The following NRG1 variants were observed in gnomAD, a reference collection of about 807,000 sequenced individuals.
The protein encoded by NRG1 is neuregulin 1, also known as pro-neuregulin-1, membrane-bound isoform.
A neutral mutation model predicts 63.8 loss-of-function variants in NRG1; 18 were observed. The ratio of observed to expected loss-of-function variants is 0.28; its 90% CI spans 0.19 to 0.42. The LOEUF is 0.42. Among genes scored for constraint, NRG1 ranks in the 10% least tolerant of loss-of-function variants. NRG1 has a pLI of 1.00. For missense variants in NRG1, 762 were observed against 814.7 expected, an observed-to-expected ratio of 0.94 and a Z score of 0.79; for synonymous variants, 302 against 301.3, an observed-to-expected ratio of 1.00 and a Z score of -0.02.
chr8:32,445,734 G>A (rs1820153044), intron 1 of NRG1, among the ~76,000 whole-genome samples: 1 of 152,016 alleles, frequency 6.6e-6, no homozygotes, highest in Admixed American at 6.6e-5. Context: ...CATCTATTAA[G>A]ATTAAGTAAG....
intron 1 of NRG1, among the ~76,000 whole-genome samples, chr8:31,879,247 G>T (rs1280328746): frequency 6.6e-6 from 1 of 152,154 alleles, no homozygotes; most frequent in African/African-American, 2.4e-5. Flanking sequence ...AGTGTGTTCT[G>T]TAGTCTTTAT....
At chr8:31,755,730 C>T (rs118025336) in intron 1 of NRG1, among the ~76,000 whole-genome samples, 9 of 152,048 alleles carry the variant, frequency 5.9e-5, no homozygotes, top group Non-Finnish European at 1.0e-4. Flanking sequence ...TGCAGCAGCG[C>T]GTATTTACTT....
At chr8:32,708,679 A>G (rs1817040849) in intron 5 of NRG1, among the ~76,000 whole-genome samples, 1 of 152,240 alleles carries the variant, frequency 6.6e-6, no homozygotes, top group African/African-American at 2.4e-5. Context: ...GTGAGAGCCT[A>G]TGAGATCATG....
intron 6 of NRG1, among the ~76,000 whole-genome samples, chr8:32,730,808 A>G (rs1823468458): frequency 6.6e-6 from 1 of 152,330 alleles, no homozygotes; most frequent in Non-Finnish European, 1.5e-5. Context: ...TTCATTTGTT[A>G]TATGGGGAAA....
chr8:31,754,745 A>G (rs1003479029), intron 1 of NRG1, among the ~76,000 whole-genome samples: 1 of 152,102 alleles, frequency 6.6e-6, no homozygotes, highest in Admixed American at 6.6e-5. Context: ...TGTAACAAGT[A>G]CTATGATTAT....
chr8:31,662,854 A>T (rs775696186), intron 1 of NRG1, among the ~76,000 whole-genome samples: 1 of 152,110 alleles, frequency 6.6e-6, no homozygotes, highest in Non-Finnish European at 1.5e-5. Flanking sequence ...AAATAGGGGA[A>T]TTTTTTGGGT....
Position 32,230,874 on chromosome 8 carries a change from A to G in NRG1, c.38-364954A>G, listed in dbSNP as rs191984286. On this transcript the variant is annotated intron_variant, in intron 1 of 10. Transcript: ENST00000519301. ...GCATTTATCATGTCTTATATTAGAAACAGTCCAATTCTCCTCTTTTAGCTA... is the reference window on the plus strand; with the variant it reads ...GCATTTATCATGTCTTATATTAGAAGCAGTCCAATTCTCCTCTTTTAGCTA... Among the ~76,000 whole-genome samples the G allele has an allele frequency of 4.7e-4, 71 of 152,256 alleles. 1 individual carries two copies. In the East Asian group the frequency reaches 9.8e-3, roughly 21 times the overall value.
intron 1 of NRG1, among the ~76,000 whole-genome samples, chr8:32,002,377 A>T (rs117514636): frequency 0.11 from 16,706 of 152,008 alleles, 1,248 homozygotes; most frequent in Non-Finnish European, 0.16. Flanking sequence ...TTTATTTATT[A>T]ATTCATTTAT....
At chr8:31,831,906 C>G (rs1457919538) in intron 1 of NRG1, among the ~76,000 whole-genome samples, 1 of 152,160 alleles carries the variant, frequency 6.6e-6, no homozygotes, top group Middle Eastern at 3.4e-3. Flanking sequence ...GGCAGCTTCC[C>G]CAGTGATGGA....
chr8:32,164,763 A>G (rs1025861657), intron 1 of NRG1, among the ~76,000 whole-genome samples: 11 of 152,236 alleles, frequency 7.2e-5, no homozygotes. Flanking sequence ...GGATATGAAT[A>G]TCAACCAGCA....
intron 1 of NRG1, among the ~76,000 whole-genome samples, chr8:31,805,745 A>G (rs1425951685): frequency 2.0e-5 from 3 of 148,614 alleles, no homozygotes; most frequent in Non-Finnish European, 4.4e-5. Context: ...GGAGAATGGC[A>G]TGAACCCTGG....
chr8:32,519,131 T>C (rs1830101094), intron 1 of NRG1, among the ~76,000 whole-genome samples: 1 of 152,190 alleles, frequency 6.6e-6, no homozygotes. Flanking sequence ...CTGTTGAAAG[T>C]TGCCATATAA....
At chr8:32,706,221 C>G (rs1403209337) in intron 5 of NRG1, among the ~76,000 whole-genome samples, 1 of 152,150 alleles carries the variant, frequency 6.6e-6, no homozygotes, top group African/African-American at 2.4e-5. Flanking sequence ...CGTGGAGAAG[C>G]CCCTTTTGGA....
At chr8:31,932,435 T>G (rs1834945563) in intron 1 of NRG1, among the ~76,000 whole-genome samples, 1 of 152,206 alleles carries the variant, frequency 6.6e-6, no homozygotes, top group African/African-American at 2.4e-5. Context: ...AGCAAGGAGT[T>G]GGTTGAATCC....
At chr8:32,695,647 C>T (rs10099703) in intron 5 of NRG1, among the ~76,000 whole-genome samples, 14,166 of 152,184 alleles carry the variant, frequency 0.093, 694 homozygotes, top group African/African-American at 0.11. Context: ...AGTTGCTTGA[C>T]GTTCACTGTG....
intron 1 of NRG1, among the ~76,000 whole-genome samples, chr8:32,229,954 G>T (rs1846741811): frequency 6.6e-6 from 1 of 152,030 alleles, no homozygotes; most frequent in Admixed American, 6.6e-5. Flanking sequence ...GACAAAGGTT[G>T]CAAGACTATC....
At chr8:31,670,208 G>A (rs528991984) in intron 1 of NRG1, among the ~76,000 whole-genome samples, 3 of 151,956 alleles carry the variant, frequency 2.0e-5, no homozygotes, top group Admixed American at 2.0e-4. Flanking sequence ...TTATTTTTTA[G>A]GACAAAAACT....
Position 31,901,621 on chromosome 8 carries a change from T to C in NRG1, c.37+262190T>C, listed in dbSNP as rs192565279. Reference sequence around the variant, plus strand: ...TAAATGATCTCTGTGCCCCTTTGGATCATGAATTGTCTACATAACTGCACA... The same window carrying C: ...TAAATGATCTCTGTGCCCCTTTGGACCATGAATTGTCTACATAACTGCACA... On this transcript the variant is annotated intron_variant, in intron 1 of 10. Transcript: ENST00000519301. 2.4e-4 allele frequency among the ~76,000 whole-genome samples: 36 copies of C among 152,274 alleles called. 2 individuals carry two copies. Among genetic ancestry groups the C allele is most frequent in the Admixed American group, 2.2e-3 (34 of 15,294 alleles).
intron 1 of NRG1, among the ~76,000 whole-genome samples, chr8:32,108,758 C>T (rs1414347012): frequency 2.6e-5 from 4 of 152,042 alleles, no homozygotes; most frequent in South Asian, 4.2e-4. Context: ...GCCTGAATTT[C>T]AATAGCCACG....
Sources: gnomAD v4.1 joint callset for allele counts (sites outside exome capture counted in the v4.1 genomes callset) on GRCh38, gnomAD v4.1.1 for gene constraint, MANE v1.5 for transcripts, NCBI Gene and HGNC (gene_info 2026-07-23, HGNC 2026-07-21) for gene names.